The following PLB1 variants were observed in gnomAD, a reference collection of about 807,000 sequenced individuals.
The protein encoded by PLB1 is phospholipase B1.
In PLB1, 242 loss-of-function variants were observed where a neutral mutation model predicts 227.4. The ratio of observed to expected loss-of-function variants is 1.06; its 90% CI spans 0.96 to 1.18. The LOEUF is 1.18. PLB1 is among the 50% of genes most tolerant of loss of function. The pLI is 0.00. For missense variants in PLB1, 1,858 were observed against 1,816.3 expected (o/e 1.02, Z -0.42); for synonymous variants, 757 against 682.2 (o/e 1.11, Z -1.71).
At chr2:28,621,316 T>A (rs1316039098) in intron 49 of PLB1, among the ~76,000 whole-genome samples, 1 of 152,134 alleles carries the variant, frequency 6.6e-6, no homozygotes, top group Non-Finnish European at 1.5e-5. Flanking sequence ...CCGGGCGCTG[T>A]CCCTGCTGGC....
intron 16 of PLB1, among the ~76,000 whole-genome samples, chr2:28,552,650 A>G (rs1421515670): frequency 6.6e-6 from 1 of 152,192 alleles, no homozygotes; most frequent in African/African-American, 2.4e-5. Flanking sequence ...GCAGACGGCC[A>G]TGATGCTGGT....
rs113901700 is a variant in PLB1 at position 28,604,522 on chromosome 2, T to C, written c.2857-133T>C. 82 of 630,282 alleles carry C rather than the reference T, an allele frequency of 1.3e-4. 1 individual carries two copies. The African/African-American group carries it at 1.4e-3, about 10-fold the overall frequency. 39.0% of individuals were successfully genotyped at this position (630,282 alleles called of 1,614,324 possible). A position where few individuals can be genotyped will look rare whatever the true frequency, so the allele number is the denominator to read the frequency against. On this transcript the variant is annotated intron_variant, in intron 40 of 57. Transcript: ENST00000327757. Reference sequence around the variant, plus strand: ...GAAAGGGACTTGCCCTCAGGTGATTTGTGTTCTCAAGGGAAAGGCTGAGTC... The same window carrying C: ...GAAAGGGACTTGCCCTCAGGTGATTCGTGTTCTCAAGGGAAAGGCTGAGTC...
intron 20 of PLB1, among the ~76,000 whole-genome samples, chr2:28,567,567 T>C (rs375913588): frequency 1.4e-5 from 2 of 142,988 alleles, no homozygotes; most frequent in African/African-American, 2.7e-5. Context: ...TCCGCCTCCC[T>C]GGTTCAAGCG....
chr2:28,600,403 C>T (rs1387509120), intron 35 of PLB1, among the ~76,000 whole-genome samples: 1 of 152,206 alleles, frequency 6.6e-6, no homozygotes, highest in Non-Finnish European at 1.5e-5. Flanking sequence ...GAGCATCAAA[C>T]TCAGCTTCCT....
chr2:28,595,614 C>T (rs1218851948), intron 33 of PLB1: 3 of 152,148 alleles, frequency 2.0e-5, no homozygotes, highest in Non-Finnish European at 4.4e-5. Flanking sequence ...AATTCCAGAA[C>T]ATTTTCTTTG....
intron 17 of PLB1, among the ~76,000 whole-genome samples, chr2:28,558,113 T>G (rs539497385): frequency 6.6e-6 from 1 of 151,682 alleles, no homozygotes; most frequent in African/African-American, 2.4e-5. Context: ...TCTATACATA[T>G]GTATGTACAC....
intron 55 of PLB1, among the ~76,000 whole-genome samples, 198 bp from the exon 56 acceptor site, chr2:28,632,746 A>G (rs1359692504): frequency 6.6e-6 from 1 of 150,934 alleles, no homozygotes. Flanking sequence ...ACAGTGCGAA[A>G]CTCCGTCTCA....
chr2:28,635,051 G>A (rs1323919117), intron 56 of PLB1, among the ~76,000 whole-genome samples: 6 of 152,078 alleles, frequency 3.9e-5, no homozygotes, highest in African/African-American at 1.2e-4. Context: ...AAAACAAAAC[G>A]TAAACACCGC....
At chr2:28,568,423 G>T (rs928618770) in intron 20 of PLB1, among the ~76,000 whole-genome samples, 2 of 152,218 alleles carry the variant, frequency 1.3e-5, no homozygotes, top group Non-Finnish European at 2.9e-5. Flanking sequence ...ACTTAGCCCA[G>T]AAATGGATTA....
chr2:28,581,490 T>TAAAAATAA (rs970307904), intron 23 of PLB1, among the ~76,000 whole-genome samples: 1 of 12,618 alleles, frequency 7.9e-5, no homozygotes, highest in African/African-American at 1.2e-4. Context: ...CGCAAAAAAA[T>TAAAAATAA]AAATAAATAA....
intron 38 of PLB1, among the ~76,000 whole-genome samples, chr2:28,602,548 T>C (rs1684075599): frequency 1.3e-5 from 2 of 152,256 alleles, no homozygotes. Context: ...CTGGGCTTGC[T>C]ACATGATGGC....
chr2:28,500,318 A>G (rs756156681), intron 1 of PLB1, among the ~76,000 whole-genome samples: 6 of 152,134 alleles, frequency 3.9e-5, no homozygotes, highest in Non-Finnish European at 8.8e-5. Flanking sequence ...TGAATCCCCT[A>G]GTTGGTGATG....
intron 1 of PLB1, among the ~76,000 whole-genome samples, chr2:28,515,084 G>A (rs1330532241): frequency 1.3e-5 from 2 of 152,226 alleles, no homozygotes; most frequent in Non-Finnish European, 2.9e-5. Flanking sequence ...AAATGAATTA[G>A]TTCACATAAG....
chr2:28,620,280 C>T lies in PLB1; in HGVS notation c.3331C>T (p.Arg1111Ter), dbSNP rs138268622. The T allele has an allele frequency of 1.9e-6, 3 of 1,604,034 alleles. No homozygotes were observed. Among genetic ancestry groups the T allele is most frequent in the East Asian group, 4.5e-5 (2 of 44,742 alleles). ...CTTTTTACAGACAGCAGTGGGAGCT[C>T]GACCAAACAACTCCAGTGACCTACC... ...GDSLTTAVGA[R>*]PNNSSDLPTS... Residue 1111 changes from arginine (R) to a stop codon, truncating the protein, a stop_gained, in exon 47 of 58, where the codon CGA becomes TGA. Coordinates refer to ENST00000327757, the MANE Select transcript of PLB1 (RefSeq NM_153021.5). LOFTEE classifies it high-confidence loss of function.
At chr2:28,577,722 T>C (rs999750234) in intron 21 of PLB1, among the ~76,000 whole-genome samples, 1 of 152,166 alleles carries the variant, frequency 6.6e-6, no homozygotes. Flanking sequence ...ACAGCTATAA[T>C]CTCAGCTACT....
At chr2:28,540,585 A>G in intron 12 of PLB1, 144 bp downstream of exon 12, 1 of 677,888 alleles carries the variant, frequency 1.5e-6, no homozygotes, top group Non-Finnish European at 2.6e-6. Context: ...AGGAGCAAAG[A>G]GAGCTACTCT....
chr2:28,570,879 A>G (rs1393953887), intron 20 of PLB1, among the ~76,000 whole-genome samples: 2 of 152,192 alleles, frequency 1.3e-5, no homozygotes, highest in African/African-American at 2.4e-5. Context: ...CACAGCTGAC[A>G]CCATAGGCAA....
At chr2:28,632,204 T>TTCCTTC (rs1558966322) in intron 55 of PLB1, 64 bp downstream of exon 55, 2 of 1,360,232 alleles carry the variant, frequency 1.5e-6, no homozygotes, top group Non-Finnish European at 2.1e-6. Flanking sequence ...ATGGATGTAT[T>TTCCTTC]TCCTTCTCTA....
At position 28,605,876 on chromosome 2, in the gene PLB1, C is replaced by T. The variant is rs1486507004; in HGVS notation, c.2985C>T (p.Phe995=). 9.9e-6 allele frequency: 16 copies of T among 1,613,740 alleles called. No homozygotes were observed. In the Admixed American group the frequency reaches 1.7e-4, roughly 17 times the overall value. The stretch of plus-strand genomic sequence containing the variant: ...AGGATGGGCTCCCAGATACGTCCTT[C>T]TTTGCCCCAGACTGCATCCACCCAA... ...VLADGLPDTS[F]FAPDCIHPNQ... The change falls in exon 42 of 58, where the codon TTC becomes TTT. Residue 995 remains phenylalanine, a synonymous_variant. Transcript: ENST00000327757.
Sources: gnomAD v4.1 joint callset for allele counts (sites outside exome capture counted in the v4.1 genomes callset) on GRCh38, gnomAD v4.1.1 for gene constraint, MANE v1.5 for transcripts, NCBI Gene and HGNC (gene_info 2026-07-23, HGNC 2026-07-21) for gene names.